Variants in RHBDL3 observed in about 807,000 individuals in gnomAD.
RHBDL3 encodes rhomboid-related protein 3.
A neutral mutation model predicts 48.2 loss-of-function variants in RHBDL3; 28 were observed. The ratio of observed to expected loss-of-function variants is 0.58; its 90% confidence interval spans 0.43 to 0.80. RHBDL3 has a LOEUF of 0.80. Ranked by LOEUF, RHBDL3 falls within the 30% of genes least tolerant of loss-of-function variation. The pLI, the probability that RHBDL3 is intolerant of heterozygous loss-of-function variation, is 0.00. For missense variants in RHBDL3, 464 were observed against 542.7 expected (o/e 0.85, Z 1.44); for synonymous variants, 208 against 232.3 (o/e 0.90, Z 0.95).
chr17:32,309,279 G>A (rs902621436), intron 7 of RHBDL3, among the ~76,000 whole-genome samples: 4 of 150,942 alleles, frequency 2.7e-5, no homozygotes, highest in East Asian at 4.0e-4. Context: ...TGGGCTGGGC[G>A]CGGTGGCTCA....
In RHBDL3 at chr17:32,278,668, C is replaced by T. The variant is rs143835337; in HGVS notation, c.136-5991C>T. Among the ~76,000 whole-genome samples the T allele has an allele frequency of 7.2e-4, 109 of 152,314 alleles. 1 individual carries two copies. In the East Asian group the frequency reaches 0.021, roughly 29 times the overall value. On this transcript the variant is annotated intron_variant, in intron 2 of 8. Coordinates refer to ENST00000269051, the MANE Select transcript of RHBDL3 (RefSeq NM_138328.3). ...TGAATCCATCTGCACCTATTACCAG[C>T]CATTCACACTTGGGCAACCCAGCTC...
chr17:32,276,798 T>C, intron 2 of RHBDL3, among the ~76,000 whole-genome samples: 1 of 82,670 alleles, frequency 1.2e-5, no homozygotes, highest in African/African-American at 1.0e-4. Flanking sequence ...CCTAGCACCT[T>C]ACTCCGGCCC....
Position 32,288,990 on chromosome 17 carries a change from T to C in RHBDL3, c.493T>C (p.Phe165Leu). 2 of 1,614,042 alleles carry C rather than the reference T, an allele frequency of 1.2e-6. No homozygotes were observed. Among genetic ancestry groups the C allele is most frequent in the Non-Finnish European group, 1.7e-6 (2 of 1,179,996 alleles). The change falls in exon 4 of 9, where the codon TTC becomes CTC. Residue 165 changes from phenylalanine (F) to leucine (L), a missense_variant. By Grantham distance (22) the Phe-to-Leu change is conservative. Transcript: ENST00000269051. ...CTACACCTGCTGCCCCCCACCCTGG[T>C]TCATGATCACAGTCACGCTGCTGGA... ...DSYTCCPPPW[F>L]MITVTLLEVA...
chr17:32,305,824 A>G lies in RHBDL3; in HGVS notation c.882+383A>G, dbSNP rs2040698117. On this transcript the variant is annotated intron_variant, in intron 7 of 8. Coordinates refer to ENST00000269051, the MANE Select transcript of RHBDL3 (RefSeq NM_138328.3). ...TCCCAGCTACTCGGGAGGCTGAGGCAGGAGAATGGCATGAACCCAGGAGGT... is the reference window on the plus strand; with the variant it reads ...TCCCAGCTACTCGGGAGGCTGAGGCGGGAGAATGGCATGAACCCAGGAGGT... 8.6e-5 allele frequency among the ~76,000 whole-genome samples: 13 copies of G among 151,828 alleles called. No homozygotes were observed. The South Asian group carries it at 2.7e-3, about 32-fold the overall frequency.
intron 2 of RHBDL3, among the ~76,000 whole-genome samples, chr17:32,279,853 C>A (rs892025487): frequency 1.3e-5 from 2 of 152,170 alleles, no homozygotes; most frequent in African/African-American, 4.8e-5. Context: ...TCTTCCTCCC[C>A]TTGCCCCAGA....
chr17:32,287,545 T>G (rs2040226533), intron 3 of RHBDL3, among the ~76,000 whole-genome samples: 1 of 152,118 alleles, frequency 6.6e-6, no homozygotes, highest in African/African-American at 2.4e-5. Flanking sequence ...AGCTCAGGAA[T>G]GTGAGGTGGG....
chr17:32,284,438 T>C (rs62064217), intron 2 of RHBDL3: 97,976 of 494,656 alleles, frequency 0.2, 10,569 homozygotes, highest in African/African-American at 0.27. Context: ...CTTATCCACG[T>C]GAGATGGTTG....
chr17:32,285,362 A>G (rs1245816372), intron 3 of RHBDL3, among the ~76,000 whole-genome samples: 1 of 151,926 alleles, frequency 6.6e-6, no homozygotes, highest in Non-Finnish European at 1.5e-5. Flanking sequence ...GGCTGCGAGT[A>G]GGTAGGGTAT....
intron 2 of RHBDL3, among the ~76,000 whole-genome samples, chr17:32,283,510 A>T (rs1189486929): frequency 6.6e-6 from 1 of 151,582 alleles, no homozygotes; most frequent in Non-Finnish European, 1.5e-5. Context: ...TTTTTAGTAG[A>T]GACGGGGTTT....
intron 3 of RHBDL3, among the ~76,000 whole-genome samples, chr17:32,285,399 T>G (rs1597635307): frequency 6.7e-6 from 1 of 149,506 alleles, no homozygotes; most frequent in Admixed American, 6.7e-5. Flanking sequence ...GGCTGGGGAG[T>G]GGGGGCCGGG....
At chr17:32,281,357 C>G (rs1013190046) in intron 2 of RHBDL3, among the ~76,000 whole-genome samples, 25 of 152,088 alleles carry the variant, frequency 1.6e-4, no homozygotes, top group Admixed American at 1.6e-3. Flanking sequence ...ACGGCCCTCC[C>G]CAGCCTGGGA....
intron 8 of RHBDL3, among the ~76,000 whole-genome samples, chr17:32,318,876 C>G (rs762335372): frequency 2.0e-5 from 3 of 152,110 alleles, no homozygotes; most frequent in Non-Finnish European, 4.4e-5. Flanking sequence ...ACTTCTTACC[C>G]CATGGCTTTC....
intron 4 of RHBDL3, among the ~76,000 whole-genome samples, chr17:32,293,402 T>C (rs575753413): frequency 6.6e-6 from 1 of 151,802 alleles, no homozygotes; most frequent in African/African-American, 2.4e-5. Context: ...GCCAACATGG[T>C]GAAACCCCAT....
At chr17:32,268,286 C>T (rs972187182) in intron 2 of RHBDL3, among the ~76,000 whole-genome samples, 8 of 152,180 alleles carry the variant, frequency 5.3e-5, no homozygotes, top group African/African-American at 1.7e-4. Context: ...AATCCCTCTC[C>T]GTTTCTACCT....
intron 6 of RHBDL3, among the ~76,000 whole-genome samples, chr17:32,302,388 G>A (rs2040603925): frequency 1.3e-5 from 2 of 151,860 alleles, no homozygotes; most frequent in African/African-American, 4.8e-5. Flanking sequence ...ACGAAGTCTT[G>A]CTCTGTCATC....
intron 4 of RHBDL3, among the ~76,000 whole-genome samples, chr17:32,291,558 G>C (rs111326257): frequency 0.016 from 2,465 of 150,942 alleles, 66 homozygotes; most frequent in African/African-American, 0.057. Context: ...GTGGGTGCCT[G>C]TAATCCCAGC....
intron 6 of RHBDL3, 45 bp from the exon 7 acceptor site, chr17:32,305,296 C>T (rs1394045696): frequency 7.3e-7 from 1 of 1,378,660 alleles, no homozygotes; most frequent in Non-Finnish European, 1.0e-6. Flanking sequence ...GTTGGGTGAG[C>T]CGAGTCCCGC....
chr17:32,319,792 A>G (rs980542954), intron 8 of RHBDL3, among the ~76,000 whole-genome samples: 1 of 152,208 alleles, frequency 6.6e-6, no homozygotes, highest in African/African-American at 2.4e-5. Flanking sequence ...AAAGGGCTTT[A>G]TTTCAGTGTC....
intron 6 of RHBDL3, among the ~76,000 whole-genome samples, chr17:32,304,621 C>G (rs532372912): frequency 1.1e-4 from 16 of 152,308 alleles, no homozygotes; most frequent in African/African-American, 3.8e-4. Context: ...TCCGTGTCAC[C>G]TAGGTGGCAG....
Sources: allele counts gnomAD v4.1 joint callset (sites outside exome capture counted in the v4.1 genomes callset), GRCh38; gene constraint gnomAD v4.1.1; transcripts MANE v1.5; gene names NCBI Gene and HGNC (gene_info 2026-07-23, HGNC 2026-07-21).